The following NAV2 variants were observed in gnomAD, a reference collection of about 807,000 sequenced individuals.
NAV2 encodes the protein helicase, APC down-regulated 1.
NAV2 carries 54 observed loss-of-function variants against 223.2 expected under a neutral mutation model. The ratio of observed to expected loss-of-function variants is 0.24; its 90% CI spans 0.19 to 0.30. The LOEUF (loss-of-function observed/expected upper bound fraction) is 0.30. Among genes scored for constraint, NAV2 ranks in the 10% least tolerant of loss-of-function variants. NAV2 has a pLI of 1.00. For missense variants in NAV2, 2,806 were observed against 3,147.5 expected, an observed-to-expected ratio of 0.89 and a Z score of 2.60; for synonymous variants, 1,279 against 1,239.3, an observed-to-expected ratio of 1.03 and a Z score of -0.67.
chr11:19,433,382 C>T (rs1851103082), intron 1 of NAV2, among the ~76,000 whole-genome samples: 1 of 152,162 alleles, frequency 6.6e-6, no homozygotes, highest in African/African-American at 2.4e-5. Context: ...TGATGGGGCA[C>T]CAACAAGGTA....
At chr11:20,026,450 A>G (rs1234922196) in intron 11 of NAV2, among the ~76,000 whole-genome samples, 7 of 151,998 alleles carry the variant, frequency 4.6e-5, no homozygotes, top group Non-Finnish European at 7.4e-5. Flanking sequence ...AGCTAGGACT[A>G]CAGGTGCCTG....
chr11:19,711,426 G>A (rs996767416), upstream of NAV2: 6 of 152,154 alleles, frequency 3.9e-5, no homozygotes, highest in African/African-American at 1.2e-4. Context: ...GTCCTCACAA[G>A]GCAGTAAGAA....
At chr11:19,720,224 T>C (rs921360047) in intron 1 of NAV2, among the ~76,000 whole-genome samples, 18 of 152,254 alleles carry the variant, frequency 1.2e-4, no homozygotes, top group African/African-American at 4.3e-4. Context: ...AGATGGACAA[T>C]GTGTTCCTAG....
At chr11:20,094,202 G>A (rs758407410) in intron 29 of NAV2, among the ~76,000 whole-genome samples, 26 of 146,630 alleles carry the variant, frequency 1.8e-4, no homozygotes, top group East Asian at 4.0e-4. Context: ...GGGGAAACTC[G>A]TTCTTTTTTC....
intron 1 of NAV2, among the ~76,000 whole-genome samples, chr11:19,446,391 T>A (rs1259774625): frequency 6.6e-6 from 1 of 152,172 alleles, no homozygotes; most frequent in Non-Finnish European, 1.5e-5. Context: ...CAGTTCCTTT[T>A]AGTATATGTT....
In NAV2 at chr11:19,713,580, G is replaced by A; in HGVS notation, c.-116G>A. 2 of 1,405,528 alleles carry A rather than the reference G, an allele frequency of 1.4e-6. No homozygotes were observed. Among genetic ancestry groups the A allele is most frequent in the South Asian group, 3.5e-5 (2 of 57,140 alleles). 87.1% of individuals were successfully genotyped at this position (1,405,528 alleles called of 1,614,324 possible). ...GGGATTTTTTTTTTAGCCGCTGGTG[G>A]TGGGCGCCTCGTGGGCTAAGGCCCG... On this transcript the variant is annotated 5_prime_UTR_variant, in exon 1 of 38. The change creates a new upstream start codon in the 5' untranslated region. Coordinates refer to ENST00000349880, the MANE Select transcript of NAV2 (RefSeq NM_145117.5). This position sits in a 1 kb window ranked among gnomAD's most constrained non-coding sequence, Gnocchi z 7.2.
At chr11:19,741,862 A>G (rs1284531989) in intron 1 of NAV2, among the ~76,000 whole-genome samples, 1 of 152,048 alleles carries the variant, frequency 6.6e-6, no homozygotes, top group Non-Finnish European at 1.5e-5. Context: ...CCCTTTGGGT[A>G]TATACCCAGA....
intron 1 of NAV2, among the ~76,000 whole-genome samples, chr11:19,746,375 T>G (rs532450057): frequency 5.7e-4 from 7 of 12,294 alleles, no homozygotes; most frequent in South Asian, 3.6e-3. Context: ...CGTTTGTATG[T>G]TTTTTTTTAA....
At position 19,471,170 on chromosome 11, in the gene NAV2, G is replaced by A. The variant is rs187641222; in HGVS notation, c.75+120143G>A. The stretch of plus-strand genomic sequence containing the variant: ...TGGCCACATCCTCGTGTTACCAGTG[G>A]CCTTTTGAATACTGCACTAAGGTAG... On this transcript the variant is annotated intron_variant, in intron 1 of 37. Transcript: ENST00000360655. Among the ~76,000 whole-genome samples the A allele has an allele frequency of 2.5e-3, 384 of 152,214 alleles. 2 individuals carry two copies. Among genetic ancestry groups the A allele is most frequent in the Middle Eastern group, 0.01 (3 of 294 alleles).
intron 3 of NAV2, among the ~76,000 whole-genome samples, chr11:19,851,588 A>G (rs1042521069): frequency 8.5e-5 from 13 of 152,150 alleles, no homozygotes; most frequent in Admixed American, 8.5e-4. Context: ...GGGGTATAAA[A>G]GGCACCTGGT....
intron 1 of NAV2, among the ~76,000 whole-genome samples, chr11:19,626,902 A>G (rs2047187290): frequency 6.6e-6 from 1 of 152,212 alleles, no homozygotes; most frequent in Non-Finnish European, 1.5e-5. Context: ...TAATTATAAA[A>G]TGGGAATAAC....
At chr11:20,095,895 T>C in intron 30 of NAV2, 128 bp downstream of exon 30, 1 of 727,216 alleles carries the variant, frequency 1.4e-6, no homozygotes, top group Middle Eastern at 3.1e-4. Flanking sequence ...TACATGTTAA[T>C]GTTGCTGGAA....
intron 11 of NAV2, among the ~76,000 whole-genome samples, chr11:20,021,344 A>G (rs573634370): frequency 6.6e-6 from 1 of 152,350 alleles, no homozygotes; most frequent in African/African-American, 2.4e-5. Flanking sequence ...AAATGAATAC[A>G]TCAACATTTC....
At chr11:19,985,521 T>C (rs2050704225) in intron 11 of NAV2, among the ~76,000 whole-genome samples, 2 of 151,848 alleles carry the variant, frequency 1.3e-5, no homozygotes, top group African/African-American at 4.8e-5. Context: ...GAAAAGTCCA[T>C]AGAAACATGA....
chr11:19,865,110 T>A (rs1439634382), intron 3 of NAV2, among the ~76,000 whole-genome samples: 4 of 152,256 alleles, frequency 2.6e-5, no homozygotes, highest in Non-Finnish European at 4.4e-5. Flanking sequence ...TACATGCTAA[T>A]GAACAAGTTT....
intron 12 of NAV2, among the ~76,000 whole-genome samples, chr11:20,042,723 A>T (rs2057041594): frequency 6.6e-6 from 1 of 151,664 alleles, no homozygotes; most frequent in Non-Finnish European, 1.5e-5. Context: ...GTTCATTTTA[A>T]TTTCCTATCT....
At chr11:19,947,064 G>A (rs1258027907) in intron 9 of NAV2, among the ~76,000 whole-genome samples, 2 of 152,210 alleles carry the variant, frequency 1.3e-5, no homozygotes, top group African/African-American at 2.4e-5. Context: ...ACCCTGGGAT[G>A]TCTTTTGTGA....
chr11:19,754,224 T>A (rs1208846763), intron 1 of NAV2, among the ~76,000 whole-genome samples: 1 of 152,196 alleles, frequency 6.6e-6, no homozygotes, highest in Non-Finnish European at 1.5e-5. Context: ...GCCTTTCTCT[T>A]TTTTCTGAGT....
intron 1 of NAV2, among the ~76,000 whole-genome samples, chr11:19,801,954 G>A (rs1297263228): frequency 1.3e-5 from 2 of 152,136 alleles, no homozygotes; most frequent in African/African-American, 4.8e-5. Context: ...AATTATCATT[G>A]CTGACCTTAT....
Sources: allele counts gnomAD v4.1 joint callset (sites outside exome capture counted in the v4.1 genomes callset), GRCh38; gene constraint gnomAD v4.1.1; non-coding constraint Gnocchi (gnomAD v3.1); transcripts MANE v1.5; gene names NCBI Gene and HGNC (gene_info 2026-07-23, HGNC 2026-07-21).